RRBP1: variants seen among roughly 807,000 people sequenced by gnomAD.
The protein encoded by RRBP1 is ribosome-binding protein 1.
A neutral mutation model predicts 165.2 loss-of-function variants in RRBP1; 94 were observed. That is an observed-to-expected ratio of 0.57 (90% confidence interval 0.48 to 0.68). The LOEUF (loss-of-function observed/expected upper bound fraction) is 0.68, where lower values mean the gene tolerates loss of function less well. Among genes scored for constraint, RRBP1 ranks in the 30% least tolerant of loss-of-function variants. The pLI is 0.00. For synonymous variants in RRBP1, 680 were observed against 714.5 expected (o/e 0.95, Z 0.77); for missense variants, 1,676 against 1,763.0 (o/e 0.95, Z 0.88).
Position 17,659,682 on chromosome 20 carries a change from G to C in RRBP1, c.826C>G (p.Pro276Ala). The stretch of plus-strand genomic sequence containing the variant: ...CCCTCCACCTTTTTCCCCTGGTTTG[G>C]GGTTGTATCTACCTTTTTACCCTGG... Reference protein sequence around the residue: ...QNQGKKVDTTPNQGKKVEGAP... With the variant: ...QNQGKKVDTTANQGKKVEGAP... Residue 276 changes from proline (P) to alanine (A), a missense_variant, in exon 3 of 25, where the codon CCA becomes GCA. Pro to Ala is a conservative substitution (Grantham distance 27). This residue lies in a region of RRBP1 where 392 missense variants were observed against 382.5 expected (regional missense o/e 1.02). Coordinates refer to ENST00000377813, the MANE Select transcript of RRBP1 (RefSeq NM_001365613.2). 6.5e-7 allele frequency: 1 copy of C among 1,550,348 alleles called. No individual in the cohort carries two copies. Among genetic ancestry groups the C allele is most frequent in the Non-Finnish European group, 8.7e-7 (1 of 1,146,918 alleles).
Position 17,621,494 on chromosome 20 carries a change from G to T in RRBP1, c.3378C>A (p.Ala1126=). Residue 1126 remains alanine, a synonymous_variant, in exon 16 of 25, where the codon GCC becomes GCA. Coordinates refer to ENST00000377813, the MANE Select transcript of RRBP1 (RefSeq NM_001365613.2). ...EAEETQSTLQ[A]ECDQYRSILA... is the part of the protein sequence containing the mutation. ...GGATGCTGCGGTACTGGTCACACTC[G>T]GCCTGCAGTGTGCTCTGCGTCTCCT... The T allele has an allele frequency of 6.2e-7, 1 of 1,612,774 alleles. No individual in the cohort carries two copies. Among genetic ancestry groups the T allele is most frequent in the Non-Finnish European group, 8.5e-7 (1 of 1,179,944 alleles).
intron 7 of RRBP1, 152 bp from the exon 8 acceptor site, chr20:17,633,765 T>C: frequency 1.4e-6 from 1 of 739,540 alleles, no homozygotes. Context: ...TTATCAGCTG[T>C]GTGGGGTTGG....
At position 17,660,225 on chromosome 20, in the gene RRBP1, G is replaced by C. The variant is rs767476328; in HGVS notation, c.283C>G (p.Leu95Val). The C allele has an allele frequency of 6.2e-7, 1 of 1,613,140 alleles. No homozygotes were observed. The highest frequency in any genetic ancestry group is 1.3e-5 in the African/African-American group (1 of 74,916). ...DHDPAPNVTV[L>V]LREPVRAPAV... Reference sequence around the variant, plus strand: ...GGAGCCCGCACTGGTTCTCGAAGGAGGACAGTCACATTGGGGGCTGGATCA... The same window carrying C: ...GGAGCCCGCACTGGTTCTCGAAGGACGACAGTCACATTGGGGGCTGGATCA... The change falls in exon 3 of 25, where the codon CTC becomes GTC. Residue 95 changes from leucine (L) to valine (V), a missense_variant. By Grantham distance (32) the Leu-to-Val change is conservative. This residue lies in a region of RRBP1 where 392 missense variants were observed against 382.5 expected (regional missense o/e 1.02). Coordinates refer to ENST00000377813, the MANE Select transcript of RRBP1 (RefSeq NM_001365613.2).
At chr20:17,653,769 G>A (rs941741698) in intron 3 of RRBP1, among the ~76,000 whole-genome samples, 1 of 151,362 alleles carries the variant, frequency 6.6e-6, no homozygotes, top group Admixed American at 6.6e-5. Flanking sequence ...AAGAGGCAGA[G>A]GTTGCAGTGA....
intron 3 of RRBP1, among the ~76,000 whole-genome samples, chr20:17,651,755 C>A (rs748900662): frequency 1.3e-5 from 2 of 152,204 alleles, no homozygotes; most frequent in Non-Finnish European, 2.9e-5. Flanking sequence ...GCTGGAAACA[C>A]ATATTTATGT....
chr20:17,630,815 C>T (rs1479222954), intron 8 of RRBP1, among the ~76,000 whole-genome samples: 8 of 152,236 alleles, frequency 5.3e-5, no homozygotes, highest in Non-Finnish European at 1.5e-5. Context: ...GGGGCATCAA[C>T]AGATGACTGC....
At chr20:17,631,086 T>G (rs1348984175) in intron 8 of RRBP1, among the ~76,000 whole-genome samples, 3 of 152,220 alleles carry the variant, frequency 2.0e-5, no homozygotes, top group Non-Finnish European at 4.4e-5. Context: ...CTTTCTGCAT[T>G]AGAACGTAGC....
Position 17,641,897 on chromosome 20 carries a change from A to G in RRBP1, c.2084T>C (p.Val695Ala). The G allele has an allele frequency of 6.2e-7, 1 of 1,614,026 alleles. No individual in the cohort carries two copies. Among genetic ancestry groups the G allele is most frequent in the Non-Finnish European group, 8.5e-7 (1 of 1,179,932 alleles). ...WHKATQKGDP[V>A]AILKRQLEEK... The stretch of plus-strand genomic sequence containing the variant: ...TTCCAGCTGGCGTTTCAGAATCGCC[A>G]CAGGGTCACCCTTCTGAGTGGCCTA... Residue 695 changes from valine (V) to alanine (A), a missense_variant, in exon 5 of 25, where the codon GTG (valine) becomes GCG (alanine). Physicochemically the swap from Val to Ala is moderately conservative, Grantham distance 64. Around this residue, in one of 5 missense-constraint regions of RRBP1, gnomAD observed 1,184 missense variants for 1,167.1 expected, o/e 1.01. Transcript: ENST00000377813.
Position 17,615,972 on chromosome 20 carries a change from T to C in RRBP1, c.3905A>G (p.Glu1302Gly). 1 of 1,609,298 alleles carries C rather than the reference T, an allele frequency of 6.2e-7. No individual in the cohort carries two copies. The highest frequency in any genetic ancestry group is 8.5e-7 in the Non-Finnish European group (1 of 1,179,920). The change falls in exon 22 of 25, where the codon GAG becomes GGG. Residue 1302 changes from glutamate (E) to glycine (G), a missense_variant. By Grantham distance (98) the Glu-to-Gly change is moderately conservative. This residue lies in a region of RRBP1 where 1,184 missense variants were observed against 1,167.1 expected (regional missense o/e 1.01). Transcript: ENST00000377813. ...CTTCTGCCGCTGTGTCTGCTCATCC[T>C]CCAGGATGGCTTCTGTCCACTCCAG... ...TQLEWTEAIL[E>G]DEQTQRQKLT...
At chr20:17,642,573 G>A (rs909077831) in intron 4 of RRBP1, among the ~76,000 whole-genome samples, 8 of 152,178 alleles carry the variant, frequency 5.3e-5, no homozygotes, top group Non-Finnish European at 7.3e-5. Context: ...CCAGAGGCAC[G>A]AGATAGCTCA....
chr20:17,639,397 T>C lies in RRBP1; in HGVS notation c.2184+2400A>G, dbSNP rs146434495. ...ATCAGACCCCAAGAAACAGAATTAA[T>C]GAAAACCCTTTTCAACTATAAAAAC... On this transcript the variant is annotated intron_variant, in intron 5 of 24. Transcript: ENST00000377813. Among the ~76,000 whole-genome samples, 854 of 152,324 alleles carry C rather than the reference T, an allele frequency of 5.6e-3. 10 individuals are homozygous for C. Among genetic ancestry groups the C allele is most frequent in the African/African-American group, 0.02 (821 of 41,574 alleles).
chr20:17,620,190 A>G (rs760834156), intron 18 of RRBP1, 109 bp downstream of exon 18: 36 of 817,676 alleles, frequency 4.4e-5, no homozygotes, highest in Non-Finnish European at 7.0e-5. Flanking sequence ...TGCCTCTCTT[A>G]AGGCACACGG....
At position 17,620,327 on chromosome 20, in the gene RRBP1, A is replaced by C. The variant is rs144392530; in HGVS notation, c.3551T>G (p.Leu1184Arg). The C allele has an allele frequency of 1.4e-3, 2,186 of 1,613,764 alleles. 4 individuals carry two copies. The highest frequency in any genetic ancestry group is 1.6e-3 in the Non-Finnish European group (1,890 of 1,179,868). Residue 1184 changes from leucine (L) to arginine (R), a missense_variant, in exon 18 of 25, where the codon CTA (leucine) becomes CGA (arginine). Around this residue, in one of 5 missense-constraint regions of RRBP1, gnomAD observed 1,184 missense variants for 1,167.1 expected, o/e 1.01. Coordinates refer to ENST00000377813, the MANE Select transcript of RRBP1 (RefSeq NM_001365613.2). ...GTCCGAACTTTCAAGTTCTCCTTTT[A>C]GCTTCTCTACAATCTCTTCGAGATG... ...VKHLEEIVEK[L>R]KGELESSDQV...
At chr20:17,661,829 T>G (rs756289620) in intron 2 of RRBP1, among the ~76,000 whole-genome samples, 1 of 152,032 alleles carries the variant, frequency 6.6e-6, no homozygotes, top group African/African-American at 2.4e-5. Context: ...TCCTAAGACA[T>G]TGAGATCCCC....
Position 17,643,209 on chromosome 20 carries a change from G to T in RRBP1, c.1913-82C>A. On this transcript the variant is annotated intron_variant, in intron 3 of 24. Coordinates refer to ENST00000377813, the MANE Select transcript of RRBP1 (RefSeq NM_001365613.2). The surrounding 1 kb of genome is among the most constrained non-coding windows in gnomAD (Gnocchi z 4.3). Reference sequence around the variant, plus strand: ...GCCACAATGCCCATCACACCAAGAAGGTTCTGGTCACAGCCACGAAGAGCT... The same window carrying T: ...GCCACAATGCCCATCACACCAAGAATGTTCTGGTCACAGCCACGAAGAGCT... 1 of 1,462,500 alleles carries T rather than the reference G, an allele frequency of 6.8e-7. No homozygotes were observed. The highest frequency in any genetic ancestry group is 1.2e-5 in the South Asian group (1 of 81,500). The allele number at this position is 1,462,500 out of a possible 1,614,324, so 90.6% of individuals were successfully genotyped here. A position where few individuals can be genotyped will look rare whatever the true frequency, so the allele number is the denominator to read the frequency against.
chr20:17,679,789 T>G (rs2037145014), intron 2 of RRBP1, among the ~76,000 whole-genome samples: 1 of 152,222 alleles, frequency 6.6e-6, no homozygotes, highest in African/African-American at 2.4e-5. Flanking sequence ...CTGTAACTTC[T>G]TAATCTCTCT....
intron 2 of RRBP1, among the ~76,000 whole-genome samples, chr20:17,676,749 T>C (rs1005655297): frequency 1.3e-5 from 2 of 152,042 alleles, no homozygotes; most frequent in Admixed American, 6.6e-5. Flanking sequence ...AATCTAGATT[T>C]TGTTTTTGTT....
At chr20:17,617,671 A>G (rs1270973819) in intron 20 of RRBP1, among the ~76,000 whole-genome samples, 1 of 152,230 alleles carries the variant, frequency 6.6e-6, no homozygotes, top group Non-Finnish European at 1.5e-5. Flanking sequence ...ACACAGGAGG[A>G]GACCTGGCCT....
chr20:17,630,423 G>C (rs1469602149), intron 8 of RRBP1, among the ~76,000 whole-genome samples: 1 of 152,214 alleles, frequency 6.6e-6, no homozygotes, highest in Non-Finnish European at 1.5e-5. Context: ...AGTGCTCTTA[G>C]TTCTTAATAT....
Sources: allele counts gnomAD v4.1 joint callset (sites outside exome capture counted in the v4.1 genomes callset), GRCh38; gene constraint gnomAD v4.1.1; regional missense constraint gnomAD v4.1.1; non-coding constraint Gnocchi (gnomAD v3.1); transcripts MANE v1.5; gene names NCBI Gene and HGNC (gene_info 2026-07-23, HGNC 2026-07-21).